The following CYP46A1 variants were observed in gnomAD, a reference collection of about 807,000 sequenced individuals.
The protein encoded by CYP46A1 is cholesterol 24-hydroxylase.
A neutral mutation model predicts 63.3 loss-of-function variants in CYP46A1; 20 were observed. That is an observed-to-expected ratio of 0.32 (90% CI 0.22 to 0.46). The LOEUF (loss-of-function observed/expected upper bound fraction) is 0.46, where lower values mean the gene tolerates loss of function less well. CYP46A1 is among the 20% of genes least tolerant of loss of function. CYP46A1 has a pLI of 1.00. For missense variants in CYP46A1, 445 were observed against 670.8 expected, an observed-to-expected ratio of 0.66 and a Z score of 3.72; for synonymous variants, 268 against 273.6, an observed-to-expected ratio of 0.98 and a Z score of 0.20.
rs2056908440 is a variant in CYP46A1 at position 99,726,912 on chromosome 14, C to T, written c.*185C>T. 1 of 486,172 alleles carries T rather than the reference C, an allele frequency of 2.1e-6. No individual in the cohort carries two copies. The highest frequency in any genetic ancestry group is 3.5e-6 in the Non-Finnish European group (1 of 281,704). The allele number at this position is 486,172 out of a possible 1,614,324, so 30.1% of individuals were successfully genotyped here. On this transcript the variant is annotated 3_prime_UTR_variant, in exon 15 of 15. Transcript: ENST00000261835. ...AGCGCTCCCTGTCGCCTGCGGACTC[C>T]ATGGCCCTTCCTGGACTGGCCCTTG...
rs2056785692 is a variant in CYP46A1, at chr14:99,715,973, C to T, written c.844+13C>T. 6.3e-7 allele frequency: 1 copy of T among 1,599,202 alleles called. No individual in the cohort carries two copies. Among genetic ancestry groups the T allele is most frequent in the African/African-American group, 1.3e-5 (1 of 74,792 alleles). On this transcript the variant is annotated intron_variant, in intron 8 of 14. Coordinates refer to ENST00000261835, the MANE Select transcript of CYP46A1 (RefSeq NM_006668.2). ...CAGATTCTGAAAGGTGCAAGGGCCC[C>T]CTCTGCGGACTGGGGAGGGCGGGGT...
chr14:99,697,163 T>C (rs1357326037), intron 3 of CYP46A1, among the ~76,000 whole-genome samples: 5 of 152,242 alleles, frequency 3.3e-5, no homozygotes, highest in South Asian at 2.1e-4. Flanking sequence ...AGTTCCACCC[T>C]ACATTTGCAT....
chr14:99,692,357 G>C (rs1211177329), intron 3 of CYP46A1, among the ~76,000 whole-genome samples: 1 of 152,206 alleles, frequency 6.6e-6, no homozygotes, highest in African/African-American at 2.4e-5. Context: ...TGGCCAACAT[G>C]GTGAAACCTC....
At chr14:99,688,863 T>G (rs1260901234) in intron 1 of CYP46A1, among the ~76,000 whole-genome samples, 1 of 152,116 alleles carries the variant, frequency 6.6e-6, no homozygotes, top group East Asian at 1.9e-4. Context: ...TCGTCTGACC[T>G]GGCCCCCAGC....
chr14:99,720,542 T>A (rs1595206537), intron 10 of CYP46A1, among the ~76,000 whole-genome samples: 1 of 144,988 alleles, frequency 6.9e-6, no homozygotes, highest in Non-Finnish European at 1.5e-5. Flanking sequence ...CACTGCAAAC[T>A]CCACCTCCCA....
chr14:99,720,733 A>T (rs937374094), intron 10 of CYP46A1, among the ~76,000 whole-genome samples: 1 of 151,996 alleles, frequency 6.6e-6, no homozygotes, highest in Admixed American at 6.6e-5. Flanking sequence ...GGGCCCCTGC[A>T]ACATAGTTCC....
chr14:99,696,964 A>G (rs1334275292), intron 3 of CYP46A1, among the ~76,000 whole-genome samples: 6 of 152,218 alleles, frequency 3.9e-5, no homozygotes, highest in Non-Finnish European at 8.8e-5. Context: ...CTTGAGAGCT[A>G]GTTTAGCCCT....
intron 11 of CYP46A1, among the ~76,000 whole-genome samples, 171 bp from the exon 12 acceptor site, chr14:99,721,785 C>T (rs1216690761): frequency 6.6e-6 from 1 of 152,162 alleles, no homozygotes; most frequent in Non-Finnish European, 1.5e-5. Flanking sequence ...GTTTCTCCAT[C>T]TGTCACGTGA....
intron 9 of CYP46A1, among the ~76,000 whole-genome samples, chr14:99,717,452 C>A (rs1240342738): frequency 6.6e-6 from 1 of 152,160 alleles, no homozygotes; most frequent in Non-Finnish European, 1.5e-5. Context: ...ACCCTGCTCC[C>A]AGGCTGAGGG....
Position 99,684,531 on chromosome 14 carries a change from GC to G in CYP46A1, c.117del (p.Ser40ValfsTer4). On this transcript the variant is annotated frameshift_variant, in exon 1 of 15. Coordinates refer to ENST00000261835, the MANE Select transcript of CYP46A1 (RefSeq NM_006668.2). LOFTEE classifies it high-confidence loss of function. ...RYEHIPGPPR[P>X]SFLLGHLPCF... ...ACGAGCACATCCCCGGGCCGCCGCG[GC>G]CCAGGTGAGCGGGGCTGGGGGCGGG... is the stretch of plus-strand genomic sequence containing the variant. The G allele has an allele frequency of 6.8e-7, 1 of 1,468,744 alleles. No homozygotes were observed. Among genetic ancestry groups the G allele is most frequent in the Non-Finnish European group, 9.0e-7 (1 of 1,114,440 alleles). The allele number at this position is 1,468,744 out of a possible 1,614,324, so 91.0% of individuals were successfully genotyped here.
At chr14:99,706,597 C>A in intron 5 of CYP46A1, 50 bp from the exon 6 acceptor site, 1 of 1,604,546 alleles carries the variant, frequency 6.2e-7, no homozygotes, top group Non-Finnish European at 8.5e-7. Flanking sequence ...CATGGCAGTC[C>A]ACCATATTGG....
In CYP46A1 at chr14:99,726,173, CCT is replaced by C. The variant is rs1471199621; in HGVS notation, c.1266-12_1266-11del. 6.2e-7 allele frequency: 1 copy of C among 1,612,752 alleles called. No individual in the cohort carries two copies. Among genetic ancestry groups the C allele is most frequent in the Admixed American group, 1.7e-5 (1 of 59,996 alleles). On this transcript the variant is annotated splice_polypyrimidine_tract_variant and intron_variant, in intron 13 of 14. Transcript: ENST00000261835. The stretch of plus-strand genomic sequence containing the variant: ...GCCTGGGGCTGCTGGCCTCGTGATT[CCT>C]CTCTTTCCCTGCAGGCCACGGTTCA...
chr14:99,699,865 G>A lies in CYP46A1; in HGVS notation c.357-150G>A, dbSNP rs994997536. 74 of 612,918 alleles carry A rather than the reference G, an allele frequency of 1.2e-4. 1 individual carries two copies. The highest frequency in any genetic ancestry group is 7.7e-4 in the African/African-American group (42 of 54,232). The allele number at this position is 612,918 out of a possible 1,614,324, so 38.0% of individuals were successfully genotyped here. A position where few individuals can be genotyped will look rare whatever the true frequency, so the allele number is the denominator to read the frequency against. On this transcript the variant is annotated intron_variant, in intron 4 of 14. Coordinates refer to ENST00000261835, the MANE Select transcript of CYP46A1 (RefSeq NM_006668.2). ...CCCACCTTAGAGGGTACAGTCTAGT[G>A]GAATTCAGTGCCTTCACAATGTGGC... is the stretch of plus-strand genomic sequence containing the variant.
At chr14:99,719,497 C>A (rs1203260649) in intron 10 of CYP46A1, among the ~76,000 whole-genome samples, 3 of 151,986 alleles carry the variant, frequency 2.0e-5, no homozygotes, top group Non-Finnish European at 4.4e-5. Flanking sequence ...GCTGGGATTA[C>A]AGGTGTGAGC....
intron 2 of CYP46A1, 42 bp downstream of exon 2, chr14:99,691,203 C>A: frequency 6.2e-7 from 1 of 1,602,548 alleles, no homozygotes; most frequent in Non-Finnish European, 8.5e-7. Context: ...CTCCAGGTTC[C>A]CTTGGGGCAG....
chr14:99,684,459 C>A lies in CYP46A1; in HGVS notation c.42C>A (p.Leu14=). 1.4e-6 allele frequency: 2 copies of A among 1,476,432 alleles called. No individual in the cohort carries two copies. The highest frequency in any genetic ancestry group is 2.5e-5 in the South Asian group (2 of 78,432). The allele number at this position is 1,476,432 out of a possible 1,614,324, so 91.5% of individuals were successfully genotyped here. The change falls in exon 1 of 15, where the codon CTC becomes CTA. Residue 14 remains leucine, a synonymous_variant. Transcript: ENST00000261835. The part of the protein sequence containing the change: ...GLLLLGSAVL[L]AFGLCCTFVH... ...TGCTGCTCGGCAGCGCCGTCCTGCT[C>A]GCCTTCGGCCTCTGCTGCACCTTCG... is the stretch of plus-strand genomic sequence containing the variant.
At chr14:99,726,070 C>T (rs1265703416) in intron 13 of CYP46A1, 120 bp from the exon 14 acceptor site, 2 of 862,986 alleles carry the variant, frequency 2.3e-6, no homozygotes, top group Admixed American at 1.9e-5. Flanking sequence ...ATGCAAAGTG[C>T]CCAGCCCCTG....
chr14:99,722,023 C>T lies in CYP46A1; in HGVS notation c.1133C>T (p.Thr378Ile). Residue 378 changes from threonine to isoleucine, a missense_variant, in exon 12 of 15, where the codon ACC becomes ATC. Transcript: ENST00000261835. This position sits in a 1 kb window ranked among gnomAD's most constrained non-coding sequence, Gnocchi z 4.6. ...WGTFRLLEEE[T>I]LIDGVRVPGN... ...ACCTTTCGCCTGCTGGAAGAGGAGA[C>T]CTTGATTGATGGGGTCAGAGTCCCC... is the stretch of plus-strand genomic sequence containing the variant. 1.9e-6 allele frequency: 3 copies of T among 1,613,654 alleles called. No individual in the cohort carries two copies. The highest frequency in any genetic ancestry group is 2.5e-6 in the Non-Finnish European group (3 of 1,179,906).
intron 8 of CYP46A1, 65 bp from the exon 9 acceptor site, chr14:99,716,072 T>C: frequency 6.2e-7 from 1 of 1,611,238 alleles, no homozygotes; most frequent in African/African-American, 1.3e-5. Flanking sequence ...CAGTTAGTTA[T>C]TTTATGAGCC....
Sources: allele counts gnomAD v4.1 joint callset (sites outside exome capture counted in the v4.1 genomes callset), GRCh38; gene constraint gnomAD v4.1.1; non-coding constraint Gnocchi (gnomAD v3.1); transcripts MANE v1.5; gene names NCBI Gene and HGNC (gene_info 2026-07-23, HGNC 2026-07-21).